The following UTS2B variants were observed in gnomAD, a reference collection of about 807,000 sequenced individuals.
The protein encoded by UTS2B is urotensin-2B.
In UTS2B, 21 loss-of-function variants were observed where a neutral mutation model predicts 19.2. That is an observed-to-expected ratio of 1.09 (90% confidence interval 0.78 to 1.58). The LOEUF is 1.58. Ranked by LOEUF, UTS2B falls within the 40% of genes most tolerant of loss-of-function variation. The pLI is 0.00. For missense variants in UTS2B, 138 were observed against 130.3 expected, an observed-to-expected ratio of 1.06 and a Z score of -0.29; for synonymous variants, 57 against 50.2, an observed-to-expected ratio of 1.14 and a Z score of -0.58.
At position 191,282,251 on chromosome 3, in the gene UTS2B, T is replaced by C. The variant is rs1576916761; in HGVS notation, c.-62A>G. Reference sequence around the variant, plus strand: ...CTTTCCAGGTCAAGATGGATATTTCTATAGCTTTGGAATTCAGTAGAGCTT... The same window carrying C: ...CTTTCCAGGTCAAGATGGATATTTCCATAGCTTTGGAATTCAGTAGAGCTT... On this transcript the variant is annotated 5_prime_UTR_variant, in exon 5 of 9. The change creates a new upstream start codon in the 5' untranslated region. Coordinates refer to ENST00000340524, the MANE Select transcript of UTS2B (RefSeq NM_198152.5). 1.5e-6 allele frequency: 2 copies of C among 1,300,160 alleles called. No individual in the cohort carries two copies. Among genetic ancestry groups the C allele is most frequent in the East Asian group, 5.0e-5 (2 of 40,334 alleles). 80.5% of individuals were successfully genotyped at this position (1,300,160 alleles called of 1,614,324 possible). A position where few individuals can be genotyped will look rare whatever the true frequency, so the allele number is the denominator to read the frequency against.
chr3:191,283,421 T>G (rs1337368859), intron 4 of UTS2B, among the ~76,000 whole-genome samples: 7 of 152,212 alleles, frequency 4.6e-5, no homozygotes, highest in Admixed American at 4.6e-4. Context: ...TGGATCTTTT[T>G]TCTACTTTGA....
At chr3:191,338,898 A>G in the UTS2B span, among the ~76,000 whole-genome samples, 2 of 152,204 alleles carry the variant, frequency 1.3e-5, no homozygotes, top group African/African-American at 4.8e-5. Flanking sequence ...TACACGTTCC[A>G]GTAAAGTGAT....
intron 4 of UTS2B, among the ~76,000 whole-genome samples, chr3:191,299,905 A>T (rs933561290): frequency 6.6e-6 from 1 of 152,238 alleles, no homozygotes; most frequent in Admixed American, 6.5e-5. Flanking sequence ...CCTTGCATCA[A>T]TGTGCCCTGG....
chr3:191,334,559 A>G (rs1718082886), upstream of UTS2B, among the ~76,000 whole-genome samples: 1 of 152,142 alleles, frequency 6.6e-6, no homozygotes, highest in Admixed American at 6.5e-5. Flanking sequence ...AGTGAGTTGT[A>G]TTAAACCACT....
At chr3:191,273,365 T>TA (rs1560131718) in intron 8 of UTS2B, 1 of 418,828 alleles carries the variant, frequency 2.4e-6, no homozygotes, top group Non-Finnish European at 4.8e-6. Context: ...GTACTATAGG[T>TA]ACTTCCTTAC....
At chr3:191,345,103 A>C in the UTS2B span, among the ~76,000 whole-genome samples, 1 of 152,208 alleles carries the variant, frequency 6.6e-6, no homozygotes, top group Non-Finnish European at 1.5e-5. Flanking sequence ...AGGTTATGGG[A>C]TGTTTCTTGA....
At chr3:191,300,865 C>A (rs1027658630) in intron 4 of UTS2B, among the ~76,000 whole-genome samples, 16 of 152,178 alleles carry the variant, frequency 1.1e-4, no homozygotes, top group Admixed American at 7.9e-4. Context: ...ATTTCTGAGG[C>A]CTCCCCAGAA....
At chr3:191,284,229 G>A (rs1328312967) in intron 4 of UTS2B, among the ~76,000 whole-genome samples, 2 of 152,054 alleles carry the variant, frequency 1.3e-5, no homozygotes, top group Non-Finnish European at 2.9e-5. Flanking sequence ...AACTGAAAGA[G>A]GAACTCCAAT....
At chr3:191,296,848 A>G (rs2108589845) in intron 4 of UTS2B, among the ~76,000 whole-genome samples, 1 of 152,346 alleles carries the variant, frequency 6.6e-6, no homozygotes, top group East Asian at 1.9e-4. Flanking sequence ...AGGCTGGCAT[A>G]TTTAGCTGGT....
intron 4 of UTS2B, among the ~76,000 whole-genome samples, chr3:191,303,190 TA>T (rs1315071736): frequency 6.6e-6 from 1 of 152,204 alleles, no homozygotes; most frequent in Non-Finnish European, 1.5e-5. Flanking sequence ...GGATACTGTA[TA>T]AACTTCAACC....
At chr3:191,306,950 G>C (rs1199557492) in intron 3 of UTS2B, among the ~76,000 whole-genome samples, 1 of 152,150 alleles carries the variant, frequency 6.6e-6, no homozygotes. Context: ...AAATTTTAAT[G>C]TTTGGGCTTG....
rs1715959095 is a variant in UTS2B at position 191,267,257 on chromosome 3, C to T, written c.*1159G>A. 1 of 152,162 alleles carries T rather than the reference C, an allele frequency of 6.6e-6. No homozygotes were observed. The highest frequency in any genetic ancestry group is 2.1e-4 in the South Asian group (1 of 4,826). 9.4% of individuals were successfully genotyped at this position (152,162 alleles called of 1,614,324 possible). ...AAGCAATGAATTTATGGAAAGCATACAATAGATACAGCATTTTCAACTCTA... is the reference window on the plus strand; with the variant it reads ...AAGCAATGAATTTATGGAAAGCATATAATAGATACAGCATTTTCAACTCTA... On this transcript the variant is annotated 3_prime_UTR_variant, in exon 9 of 9. Coordinates refer to ENST00000340524, the MANE Select transcript of UTS2B (RefSeq NM_198152.5).
chr3:191,281,866 T>C (rs781767763), intron 5 of UTS2B, among the ~76,000 whole-genome samples: 12 of 151,952 alleles, frequency 7.9e-5, no homozygotes, highest in Non-Finnish European at 1.6e-4. Context: ...TAGTGCAATA[T>C]TGGGTAAAAT....
the UTS2B span, among the ~76,000 whole-genome samples, chr3:191,336,132 G>GT: frequency 0.016 from 2,144 of 137,040 alleles, 21 homozygotes; most frequent in African/African-American, 0.033. Context: ...GTGTACAAGT[G>GT]TTTTTTTTTT....
At chr3:191,339,094 A>G in the UTS2B span, among the ~76,000 whole-genome samples, 1 of 152,186 alleles carries the variant, frequency 6.6e-6, no homozygotes, top group African/African-American at 2.4e-5. Context: ...ATATAAGGGG[A>G]GACAGTTGTG....
At chr3:191,301,483 A>ATTTTTTTT (rs750203551) in intron 4 of UTS2B, among the ~76,000 whole-genome samples, 11 of 113,842 alleles carry the variant, frequency 9.7e-5, no homozygotes, top group Non-Finnish European at 1.2e-4. Flanking sequence ...ATTTTTGGTA[A>ATTTTTTTT]TTTTTTTTTT....
chr3:191,313,982 C>T (rs555496183), intron 3 of UTS2B, among the ~76,000 whole-genome samples: 86 of 152,250 alleles, frequency 5.6e-4, no homozygotes, highest in African/African-American at 1.9e-3. Context: ...CCACCCACCT[C>T]GACCTCCCAA....
intron 4 of UTS2B, among the ~76,000 whole-genome samples, chr3:191,298,630 G>A (rs751709030): frequency 2.6e-4 from 40 of 152,262 alleles, no homozygotes; most frequent in Non-Finnish European, 4.9e-4. Flanking sequence ...ATAGCATTGT[G>A]AGAATGGACT....
intron 4 of UTS2B, among the ~76,000 whole-genome samples, chr3:191,285,413 GAGA>G (rs1193918912): frequency 5.9e-5 from 9 of 152,166 alleles, no homozygotes; most frequent in African/African-American, 9.6e-5. Flanking sequence ...AAGACAGCAA[GAGA>G]AGAAGAAGCA....
Sources: gnomAD v4.1 joint callset for allele counts (sites outside exome capture counted in the v4.1 genomes callset) on GRCh38, gnomAD v4.1.1 for gene constraint, MANE v1.5 for transcripts, NCBI Gene and HGNC (gene_info 2026-07-23, HGNC 2026-07-21) for gene names.